SMARCC1: variants seen among roughly 807,000 people sequenced by gnomAD.
SMARCC1 encodes SWI/SNF complex subunit SMARCC1.
SMARCC1 carries 43 observed loss-of-function variants against 147.4 expected under a neutral mutation model. That is an observed-to-expected ratio of 0.29 (90% CI 0.23 to 0.38). The LOEUF is 0.38. Among genes scored for constraint, SMARCC1 ranks in the 10% least tolerant of loss-of-function variants. The pLI, the probability that SMARCC1 is intolerant of heterozygous loss-of-function variation, is 1.00. For missense variants in SMARCC1, 1,119 were observed against 1,381.1 expected (o/e 0.81, Z 3.01); for synonymous variants, 495 against 484.4 (o/e 1.02, Z -0.29).
intron 15 of SMARCC1, 160 bp from the exon 16 acceptor site, chr3:47,678,471 G>A: frequency 2.4e-6 from 1 of 424,252 alleles, no homozygotes; most frequent in Non-Finnish European, 4.2e-6. Context: ...AAAGTTATGA[G>A]TGAATTTAGA....
intron 10 of SMARCC1, 44 bp downstream of exon 10, chr3:47,706,365 T>G: frequency 2.1e-6 from 3 of 1,461,166 alleles, no homozygotes; most frequent in Non-Finnish European, 1.8e-6. Flanking sequence ...AGCCACCACG[T>G]CCGGCCTGTT....
intron 9 of SMARCC1, among the ~76,000 whole-genome samples, chr3:47,709,576 C>T (rs13090160): frequency 0.24 from 36,302 of 151,802 alleles, 5,626 homozygotes; most frequent in Admixed American, 0.31. Context: ...GTCCCAACTA[C>T]TTGGGAGGCT....
chr3:47,712,376 T>G (rs1280127165), intron 8 of SMARCC1, among the ~76,000 whole-genome samples: 1 of 152,026 alleles, frequency 6.6e-6, no homozygotes, highest in African/African-American at 2.4e-5. Flanking sequence ...CAAAATAGTG[T>G]TTTCCAAAGT....
chr3:47,601,388 C>T (rs572380422), intron 26 of SMARCC1, among the ~76,000 whole-genome samples: 1 of 152,316 alleles, frequency 6.6e-6, no homozygotes, highest in South Asian at 2.1e-4. Flanking sequence ...CACATTTCAT[C>T]AATCCATTTC....
chr3:47,755,426 G>A (rs1381244620), intron 2 of SMARCC1, among the ~76,000 whole-genome samples: 2 of 150,078 alleles, frequency 1.3e-5, no homozygotes, highest in East Asian at 2.0e-4. Context: ...GAACCCGGGA[G>A]GCAGAGCTTG....
At chr3:47,593,191 A>T (rs2032213834) in intron 26 of SMARCC1, among the ~76,000 whole-genome samples, 1 of 88,604 alleles carries the variant, frequency 1.1e-5, no homozygotes, top group African/African-American at 3.2e-5. Flanking sequence ...TCAAGGCTTT[A>T]ATTTTTTTTT....
Position 47,686,094 on chromosome 3 carries a change from T to C in SMARCC1, c.1340A>G (p.Asn447Ser), listed in dbSNP as rs761103503. The C allele has an allele frequency of 3.1e-6, 5 of 1,611,174 alleles. No individual in the cohort carries two copies. Among genetic ancestry groups the C allele is most frequent in the African/African-American group, 1.3e-5 (1 of 74,978 alleles). The change falls in exon 14 of 28, where the codon AAT (asparagine) becomes AGT (serine). Residue 447 changes from asparagine to serine, a missense_variant. Coordinates refer to ENST00000254480, the MANE Select transcript of SMARCC1 (RefSeq NM_003074.4). ...TGCATAACTAGGAATAATAATGTGA[T>C]TGGTCTGCTCTGTCACATTATCTTC... ...LGEDNVTEQT[N>S]HIIIPSYASW...
Position 47,661,338 on chromosome 3 carries a change from C to T in SMARCC1, c.2276G>A (p.Ser759Asn). The T allele has an allele frequency of 6.2e-7, 1 of 1,613,600 alleles. No individual in the cohort carries two copies. Among genetic ancestry groups the T allele is most frequent in the Non-Finnish European group, 8.5e-7 (1 of 1,179,856 alleles). ...GGGCCCTGTGCCTGCAATGCAGCTG[C>T]TCTCCAGACCGTAGGTGGGATCCAC... ...GKVDPTYGLESSCIAGTGPDE... is the reference protein window; with the variant it reads ...GKVDPTYGLENSCIAGTGPDE... The change falls in exon 21 of 28, where the codon AGC (serine) becomes AAC (asparagine). Residue 759 changes from serine (S) to asparagine (N), a missense_variant. This residue lies in a region of SMARCC1 where 157 missense variants were observed against 158.6 expected (regional missense o/e 0.99). Transcript: ENST00000254480.
chr3:47,609,974 C>G, intron 26 of SMARCC1, 92 bp downstream of exon 26: 1 of 1,400,944 alleles, frequency 7.1e-7, no homozygotes, highest in Admixed American at 2.0e-5. Flanking sequence ...CAGTCTTCAT[C>G]AGAAAACACC....
At chr3:47,732,936 C>T (rs981413181) in intron 5 of SMARCC1, among the ~76,000 whole-genome samples, 5 of 151,528 alleles carry the variant, frequency 3.3e-5, no homozygotes, top group African/African-American at 1.2e-4. Flanking sequence ...AGTGAAACCC[C>T]GTCTCTACTA....
intron 19 of SMARCC1, among the ~76,000 whole-genome samples, chr3:47,662,870 C>T (rs1376360155): frequency 1.3e-5 from 2 of 150,990 alleles, no homozygotes; most frequent in African/African-American, 4.9e-5. Flanking sequence ...GTCAGGAGTT[C>T]GAGAGCAGCC....
intron 19 of SMARCC1, among the ~76,000 whole-genome samples, chr3:47,669,223 C>T (rs1036399709): frequency 5.9e-5 from 9 of 152,264 alleles, no homozygotes; most frequent in African/African-American, 2.2e-4. Context: ...CTGTGGTTTT[C>T]TTGGATGTCT....
intron 1 of SMARCC1, among the ~76,000 whole-genome samples, chr3:47,775,910 G>C (rs2034969369): frequency 6.6e-6 from 1 of 152,100 alleles, no homozygotes; most frequent in Non-Finnish European, 1.5e-5. Context: ...CACTTTAGGA[G>C]GGCAAGGTGG....
chr3:47,762,169 G>A (rs1279086605), intron 2 of SMARCC1, among the ~76,000 whole-genome samples: 1 of 152,166 alleles, frequency 6.6e-6, no homozygotes. Flanking sequence ...GAAACTTGAA[G>A]ACAACAGATT....
intron 6 of SMARCC1, among the ~76,000 whole-genome samples, chr3:47,722,582 C>T (rs2034246309): frequency 6.6e-6 from 1 of 151,926 alleles, no homozygotes; most frequent in South Asian, 2.1e-4. Context: ...AGGCATGAGC[C>T]GCTGTGCCTG....
chr3:47,696,839 C>T (rs1208781289), intron 11 of SMARCC1, among the ~76,000 whole-genome samples: 4 of 152,050 alleles, frequency 2.6e-5, no homozygotes, highest in Admixed American at 6.6e-5. Context: ...GAATAAATTT[C>T]GAAAGACTAG....
At chr3:47,662,946 C>T (rs1351385687) in intron 19 of SMARCC1, among the ~76,000 whole-genome samples, 7 of 150,480 alleles carry the variant, frequency 4.7e-5, no homozygotes, top group Admixed American at 4.0e-4. Context: ...CATGGTGGTG[C>T]GTGCCTGTAA....
At chr3:47,609,876 A>T (rs1028106470) in intron 26 of SMARCC1, among the ~76,000 whole-genome samples, 190 bp downstream of exon 26, 2 of 152,248 alleles carry the variant, frequency 1.3e-5, no homozygotes, top group African/African-American at 4.8e-5. Flanking sequence ...CATCATACCA[A>T]GAGAAAAAGA....
At chr3:47,777,628 A>C (rs536595082) in intron 1 of SMARCC1, among the ~76,000 whole-genome samples, 1 of 151,932 alleles carries the variant, frequency 6.6e-6, no homozygotes, top group South Asian at 2.1e-4. Context: ...CCCAGGTTTG[A>C]GTGATTCTCC....
Sources: allele counts gnomAD v4.1 joint callset (sites outside exome capture counted in the v4.1 genomes callset), GRCh38; gene constraint gnomAD v4.1.1; regional missense constraint gnomAD v4.1.1; transcripts MANE v1.5; gene names NCBI Gene and HGNC (gene_info 2026-07-23, HGNC 2026-07-21).